PCDHA12: variants seen among roughly 807,000 people sequenced by gnomAD.
The protein encoded by PCDHA12 is protocadherin alpha 12, also known as protocadherin alpha-12.
A neutral mutation model predicts 60.0 loss-of-function variants in PCDHA12; 44 were observed. The observed-to-expected ratio is 0.73, with a 90% CI of 0.58 to 0.94. The LOEUF is 0.94. Ranked by LOEUF, PCDHA12 falls within the 40% of genes least tolerant of loss-of-function variation. PCDHA12 has a pLI of 0.00. For missense variants in PCDHA12, 1,276 were observed against 1,239.7 expected, an observed-to-expected ratio of 1.03 and a Z score of -0.44; for synonymous variants, 569 against 553.0, an observed-to-expected ratio of 1.03 and a Z score of -0.40.
At chr5:140,954,526 G>A (rs2095049912) in intron 1 of PCDHA12, among the ~76,000 whole-genome samples, 1 of 152,184 alleles carries the variant, frequency 6.6e-6, no homozygotes, top group Admixed American at 6.5e-5. Flanking sequence ...GATCAGTGAT[G>A]TTGAGGTTTT....
intron 1 of PCDHA12, among the ~76,000 whole-genome samples, chr5:140,903,721 C>A (rs2070530222): frequency 6.6e-6 from 1 of 152,152 alleles, no homozygotes; most frequent in Non-Finnish European, 1.5e-5. Flanking sequence ...ACAATTCTCC[C>A]TATTATCAAT....
intron 1 of PCDHA12, among the ~76,000 whole-genome samples, chr5:140,947,069 T>G (rs2094080715): frequency 6.6e-6 from 1 of 151,696 alleles, no homozygotes; most frequent in Admixed American, 6.6e-5. Context: ...AGTGTATATA[T>G]GTATTGAAAC....
chr5:140,928,081 C>G lies in PCDHA12; in HGVS notation c.2367+50242C>G, dbSNP rs782268064. On this transcript the variant is annotated intron_variant, in intron 1 of 3. Coordinates refer to ENST00000398631, the MANE Select transcript of PCDHA12 (RefSeq NM_018903.4). ...GGCTTCCTTTGACAACTACTACAGC[C>G]TGCTGATTGATGGGCCCCTGGACCG... is the stretch of plus-strand genomic sequence containing the variant. 6.2e-6 allele frequency: 10 copies of G among 1,614,090 alleles called. 1 individual carries two copies. In the South Asian group the frequency reaches 6.6e-5, roughly 11 times the overall value.
chr5:140,876,308 A>T lies in PCDHA12; in HGVS notation c.836A>T (p.Tyr279Phe). 1 of 1,614,070 alleles carries T rather than the reference A, an allele frequency of 6.2e-7. No individual in the cohort carries two copies. Among genetic ancestry groups the T allele is most frequent in the South Asian group, 1.1e-5 (1 of 91,086 alleles). ...GAAGGACTTAATGGAGAAATTTCCT[A>T]TGGGATCAAAATGATTTTGCCAGTG... ...PDEGLNGEISYGIKMILPVSE... is the reference protein window; with the variant it reads ...PDEGLNGEISFGIKMILPVSE... Residue 279 changes from tyrosine to phenylalanine, a missense_variant, in exon 1 of 4, where the codon TAT becomes TTT. Transcript: ENST00000398631.
At chr5:140,883,547 G>GC in intron 1 of PCDHA12, 5 of 1,614,234 alleles carry the variant, frequency 3.1e-6, no homozygotes, top group Non-Finnish European at 3.4e-6. Context: ...GGTGGTGACC[G>GC]CGCGGGACGG....
intron 1 of PCDHA12, chr5:140,884,511 G>A (rs1202323930): frequency 6.2e-7 from 1 of 1,614,192 alleles, no homozygotes; most frequent in Non-Finnish European, 8.5e-7. Flanking sequence ...GCAGGGAGTT[G>A]GTCGTACTCG....
chr5:140,936,034 A>C (rs1554210820), intron 1 of PCDHA12, among the ~76,000 whole-genome samples: 1 of 151,842 alleles, frequency 6.6e-6, no homozygotes, highest in East Asian at 1.9e-4. Context: ...CGGGGATTAC[A>C]GGCACCCACC....
At chr5:140,955,157 T>A (rs1554221797) in intron 1 of PCDHA12, among the ~76,000 whole-genome samples, 1 of 152,198 alleles carries the variant, frequency 6.6e-6, no homozygotes, top group Non-Finnish European at 1.5e-5. Context: ...ACCAGTACCG[T>A]GCTGTTTTGG....
At chr5:140,931,758 A>G (rs1374881766) in intron 1 of PCDHA12, among the ~76,000 whole-genome samples, 1 of 151,944 alleles carries the variant, frequency 6.6e-6, no homozygotes, top group African/African-American at 2.4e-5. Flanking sequence ...GGCATTTGTT[A>G]TTTACTTCTT....
chr5:140,883,449 C>G lies in PCDHA12; in HGVS notation c.2367+5610C>G, dbSNP rs782030208. The G allele has an allele frequency of 6.8e-6, 11 of 1,614,058 alleles. No homozygotes were observed. The Admixed American group carries it at 1.8e-4, about 27-fold the overall frequency. On this transcript the variant is annotated intron_variant, in intron 1 of 3. Coordinates refer to ENST00000398631, the MANE Select transcript of PCDHA12 (RefSeq NM_018903.4). Reference sequence around the variant, plus strand: ...ACCTGCACCTTGACGCCGCATGTCCCCTTCAAGCTGGTGTCCACCTACAAG... The same window carrying G: ...ACCTGCACCTTGACGCCGCATGTCCGCTTCAAGCTGGTGTCCACCTACAAG...
intron 1 of PCDHA12, among the ~76,000 whole-genome samples, chr5:140,905,700 A>G (rs926526227): frequency 3.9e-5 from 6 of 152,136 alleles, no homozygotes; most frequent in Non-Finnish European, 5.9e-5. Context: ...TGTGTCATTT[A>G]TGATTTCCTT....
At chr5:140,889,113 G>C (rs1256051132) in intron 1 of PCDHA12, among the ~76,000 whole-genome samples, 1 of 151,370 alleles carries the variant, frequency 6.6e-6, no homozygotes, top group East Asian at 1.9e-4. Context: ...TTTATTCCAG[G>C]TGATACTGAT....
At chr5:140,979,178 G>C (rs782006168) in intron 2 of PCDHA12, 171 bp downstream of exon 2, 32 of 944,022 alleles carry the variant, frequency 3.4e-5, no homozygotes, top group Non-Finnish European at 4.0e-5. Flanking sequence ...GATCGCAAAT[G>C]GTCAGTGCCA....
At chr5:140,928,844 C>A (rs782361945) in intron 1 of PCDHA12, 9 of 1,614,168 alleles carry the variant, frequency 5.6e-6, no homozygotes, top group Non-Finnish European at 7.6e-6. Context: ...TCCTCTGTCA[C>A]TCTGGGTGTG....
chr5:140,999,594 A>G (rs1279617761), intron 3 of PCDHA12, among the ~76,000 whole-genome samples: 25 of 152,186 alleles, frequency 1.6e-4, no homozygotes, highest in Admixed American at 1.4e-3. Flanking sequence ...TGCCTTCCCT[A>G]CATCCTGGGG....
chr5:140,935,057 G>A (rs2090168860), intron 1 of PCDHA12, among the ~76,000 whole-genome samples: 1 of 152,034 alleles, frequency 6.6e-6, no homozygotes, highest in Non-Finnish European at 1.5e-5. Flanking sequence ...ATTACAAGAT[G>A]TTCAGATTAT....
intron 1 of PCDHA12, among the ~76,000 whole-genome samples, chr5:140,941,247 CTTTCTTTCTCTT>C (rs1165264412): frequency 7.0e-5 from 9 of 128,506 alleles, no homozygotes; most frequent in African/African-American, 1.7e-4. Context: ...TTCTTTCTTT[CTTTCTTTCTCTT>C]TCTTTCTTTC....
chr5:140,905,580 T>C (rs2071928885), intron 1 of PCDHA12, among the ~76,000 whole-genome samples: 1 of 152,168 alleles, frequency 6.6e-6, no homozygotes, highest in Non-Finnish European at 1.5e-5. Flanking sequence ...AGAATGATAA[T>C]GATATTTTGC....
chr5:140,879,844 C>CCCATCTCAG (rs1554171035), intron 1 of PCDHA12, among the ~76,000 whole-genome samples: 1 of 152,194 alleles, frequency 6.6e-6, no homozygotes, highest in Admixed American at 6.5e-5. Flanking sequence ...CTGTACCACT[C>CCCATCTCAG]CCATCTCAGC....
Sources: gnomAD v4.1 joint callset for allele counts (sites outside exome capture counted in the v4.1 genomes callset) on GRCh38, gnomAD v4.1.1 for gene constraint, MANE v1.5 for transcripts, NCBI Gene and HGNC (gene_info 2026-07-23, HGNC 2026-07-21) for gene names.